Variants in FSIP2 observed in about 807,000 individuals in gnomAD.
FSIP2 encodes the protein fibrous sheath interacting protein 2, also known as fibrous sheath-interacting protein 2.
In FSIP2, 367 loss-of-function variants were observed where a neutral mutation model predicts 510.5. The ratio of observed to expected loss-of-function variants is 0.72; its 90% CI spans 0.66 to 0.78. The LOEUF (loss-of-function observed/expected upper bound fraction) is 0.78. FSIP2 is among the 30% of genes least tolerant of loss of function. The pLI, the probability that FSIP2 is intolerant of heterozygous loss-of-function variation, is 0.00. For synonymous variants in FSIP2, 2,601 were observed against 2,732.2 expected, an observed-to-expected ratio of 0.95 and a Z score of 1.50; for missense variants, 7,594 against 7,901.7, an observed-to-expected ratio of 0.96 and a Z score of 1.48.
chr2:185,753,511 A>G (rs1309479960), intron 7 of FSIP2, among the ~76,000 whole-genome samples: 1 of 151,440 alleles, frequency 6.6e-6, no homozygotes, highest in Non-Finnish European at 1.5e-5. Flanking sequence ...GATGGTATGT[A>G]GAGAGGTAAA....
intron 5 of FSIP2, among the ~76,000 whole-genome samples, 159 bp from the exon 6 acceptor site, chr2:185,746,510 T>C (rs1692037186): frequency 1.3e-5 from 2 of 152,092 alleles, no homozygotes; most frequent in South Asian, 4.1e-4. Context: ...TAGGCTGTTT[T>C]AAAGGTTTAT....
Position 185,797,353 on chromosome 2 carries a change from A to G in FSIP2, c.10217A>G (p.Asp3406Gly). 1.3e-6 allele frequency: 2 copies of G among 1,528,532 alleles called. No individual in the cohort carries two copies. Among genetic ancestry groups the G allele is most frequent in the Non-Finnish European group, 1.7e-6 (2 of 1,144,720 alleles). 94.7% of individuals were successfully genotyped at this position (1,528,532 alleles called of 1,614,324 possible). Residue 3406 changes from aspartate to glycine, a missense_variant, in exon 16 of 23, where the codon GAT becomes GGT. Transcript: ENST00000424728. ...ENENLEASREDSSFLQKLKKK... is the reference protein window; with the variant it reads ...ENENLEASREGSSFLQKLKKK... The stretch of plus-strand genomic sequence containing the variant: ...GAAAACCTTGAAGCCAGCCGGGAAG[A>G]TTCTTCTTTTTTGCAAAAATTGAAA...
Position 185,804,840 on chromosome 2 carries a change from T to C in FSIP2, c.15534T>C (p.Asn5178=), listed in dbSNP as rs746621954. 75 of 1,531,124 alleles carry C rather than the reference T, an allele frequency of 4.9e-5. No individual in the cohort carries two copies. Among genetic ancestry groups the C allele is most frequent in the Admixed American group, 2.4e-4 (12 of 50,312 alleles). The allele number at this position is 1,531,124 out of a possible 1,614,324, so 94.8% of individuals were successfully genotyped here. Residue 5178 remains asparagine (N), a synonymous_variant, in exon 17 of 23, where the codon AAT becomes AAC. Transcript: ENST00000424728. ...TTCGACTTTCCATGGCAGAGGATAA[T>C]GCAGAAAGTATGCAGTTAGAACCTA... The part of the protein sequence containing the change: ...HEIRLSMAED[N]AESMQLEPIE...
intron 9 of FSIP2, among the ~76,000 whole-genome samples, 153 bp from the exon 10 acceptor site, chr2:185,760,835 T>C (rs1409626637): frequency 2.0e-5 from 3 of 150,640 alleles, no homozygotes; most frequent in African/African-American, 7.3e-5. Context: ...ATAGACATGT[T>C]ATCTTGAATG....
At chr2:185,765,692 T>C (rs1325881893) in intron 13 of FSIP2, 1 of 151,932 alleles carries the variant, frequency 6.6e-6, no homozygotes, top group Non-Finnish European at 1.5e-5. Flanking sequence ...AAGTCATCGG[T>C]AGCTTGATGG....
chr2:185,761,980 G>A lies in FSIP2; in HGVS notation c.1203G>A (p.Gly401=). The change falls in exon 11 of 23, where the codon GGG becomes GGA. Residue 401 remains glycine (G), a synonymous_variant. Coordinates refer to ENST00000424728, the MANE Select transcript of FSIP2 (RefSeq NM_173651.4). ...AATGTGGTACCATGTAGAGAGATGG[G>A]ATGGTATCTAAAAACTCAAGTATTT... ...QDNGINQKRD[G]MVSKNSSIFD... 1 of 1,480,292 alleles carries A rather than the reference G, an allele frequency of 6.8e-7. No individual in the cohort carries two copies. The allele number at this position is 1,480,292 out of a possible 1,614,324, so 91.7% of individuals were successfully genotyped here. A position where few individuals can be genotyped will look rare whatever the true frequency, so the allele number is the denominator to read the frequency against.
At chr2:185,777,543 T>C (rs1692753258) in intron 13 of FSIP2, among the ~76,000 whole-genome samples, 1 of 152,192 alleles carries the variant, frequency 6.6e-6, no homozygotes, top group South Asian at 2.1e-4. Context: ...CTGTGATCTT[T>C]TGGTAGATAA....
intron 7 of FSIP2, among the ~76,000 whole-genome samples, chr2:185,751,861 T>TG (rs2105542055): frequency 6.6e-6 from 1 of 151,344 alleles, no homozygotes; most frequent in Non-Finnish European, 1.5e-5. Context: ...ATGCTTTATT[T>TG]TTTTCCCTTT....
chr2:185,804,379 G>A lies in FSIP2; in HGVS notation c.15073G>A (p.Val5025Ile). The A allele has an allele frequency of 6.7e-7, 1 of 1,501,282 alleles. No homozygotes were observed. Among genetic ancestry groups the A allele is most frequent in the Non-Finnish European group, 8.8e-7 (1 of 1,131,158 alleles). 93.0% of individuals were successfully genotyped at this position (1,501,282 alleles called of 1,614,324 possible). A position where few individuals can be genotyped will look rare whatever the true frequency, so the allele number is the denominator to read the frequency against. The stretch of plus-strand genomic sequence containing the variant: ...ATACAAAGAAATGGTTCAAAAAATA[G>A]TCAACTCAGTATATGGAAAAGTATT... ...ERYKEMVQKI[V>I]NSVYGKVLDQ... The change falls in exon 17 of 23, where the codon GTC becomes ATC. Residue 5025 changes from valine to isoleucine, a missense_variant. By Grantham distance (29) the Val-to-Ile change is conservative (BLOSUM62 3). Coordinates refer to ENST00000424728, the MANE Select transcript of FSIP2 (RefSeq NM_173651.4).
chr2:185,825,635 T>A (rs144943948), intron 20 of FSIP2, among the ~76,000 whole-genome samples: 36 of 151,970 alleles, frequency 2.4e-4, no homozygotes, highest in Non-Finnish European at 3.5e-4. Flanking sequence ...AGTGTTTTAA[T>A]ATGCTTTATC....
In FSIP2 at chr2:185,800,032, G is replaced by A; in HGVS notation, c.10726G>A (p.Ala3576Thr). The A allele has an allele frequency of 6.6e-7, 1 of 1,525,578 alleles. No individual in the cohort carries two copies. The highest frequency in any genetic ancestry group is 8.8e-7 in the Non-Finnish European group (1 of 1,139,346). 94.5% of individuals were successfully genotyped at this position (1,525,578 alleles called of 1,614,324 possible). A position where few individuals can be genotyped will look rare whatever the true frequency, so the allele number is the denominator to read the frequency against. The change falls in exon 17 of 23, where the codon GCT becomes ACT. Residue 3576 changes from alanine to threonine, a missense_variant. Ala to Thr is a moderately conservative substitution (Grantham distance 58). Transcript: ENST00000424728. ...TCTTTTTAATAATAAAATTATACAG[G>A]CTGACATTGCACAGAAAATGGTTGC... ...KILFNNKIIQADIAQKMVAIP... is the reference protein window; with the variant it reads ...KILFNNKIIQTDIAQKMVAIP...
chr2:185,738,054 A>G (rs1008984471), upstream of FSIP2: 1 of 156,040 alleles, frequency 6.4e-6, no homozygotes, highest in African/African-American at 2.4e-5. Flanking sequence ...GAAATAAAAG[A>G]GAACAGCAGT....
Position 185,796,617 on chromosome 2 carries a change from G to C in FSIP2, c.9481G>C (p.Ala3161Pro). ...NAYTVNQVEL[A>P]TNMKMFTSKL... ...CTACACTGTTAATCAGGTTGAATTA[G>C]CAACTAATATGAAAATGTTCACATC... Residue 3161 changes from alanine (A) to proline (P), a missense_variant, in exon 16 of 23, where the codon GCA becomes CCA. Physicochemically the swap from Ala to Pro is conservative, Grantham distance 27. Coordinates refer to ENST00000424728, the MANE Select transcript of FSIP2 (RefSeq NM_173651.4). 6.5e-7 allele frequency: 1 copy of C among 1,535,030 alleles called. No homozygotes were observed. Among genetic ancestry groups the C allele is most frequent in the East Asian group, 2.4e-5 (1 of 40,856 alleles).
Position 185,793,295 on chromosome 2 carries a change from C to T in FSIP2, c.6159C>T (p.Gly2053=). ...TGTTAGACATTATATCACGTAAAGG[C>T]AAATGTGACAAAAACAGTTCTGACA... ...NALLDIISRK[G]KCDKNSSDKE... Residue 2053 remains glycine, a synonymous_variant, in exon 16 of 23, where the codon GGC becomes GGT. Transcript: ENST00000424728. 1.3e-6 allele frequency: 2 copies of T among 1,534,048 alleles called. No homozygotes were observed. The highest frequency in any genetic ancestry group is 1.7e-6 in the Non-Finnish European group (2 of 1,145,524).
At chr2:185,749,736 T>C (rs569267169) in intron 7 of FSIP2, among the ~76,000 whole-genome samples, 78 of 151,986 alleles carry the variant, frequency 5.1e-4, no homozygotes, top group African/African-American at 1.8e-3. Context: ...CTCTCTTTGC[T>C]AGTGATCTCA....
chr2:185,789,237 A>G lies in FSIP2; in HGVS notation c.2101A>G (p.Lys701Glu). Reference sequence around the variant, plus strand: ...TTTTGTTAACTTTAAATGTTACTTGAAAGGGGAAACTGAAGTGATTTTAGA... The same window carrying G: ...TTTTGTTAACTTTAAATGTTACTTGGAAGGGGAAACTGAAGTGATTTTAGA... Reference protein sequence around the residue: ...NVFVNFKCYLKGETEVILESI... With the variant: ...NVFVNFKCYLEGETEVILESI... The change falls in exon 16 of 23, where the codon AAA becomes GAA. Residue 701 changes from lysine to glutamate, a missense_variant. Lys to Glu is a moderately conservative substitution (Grantham distance 56). Transcript: ENST00000424728. 1 of 1,534,534 alleles carries G rather than the reference A, an allele frequency of 6.5e-7. No homozygotes were observed. The highest frequency in any genetic ancestry group is 1.2e-5 in the South Asian group (1 of 83,998).
Position 185,794,385 on chromosome 2 carries a change from T to C in FSIP2, c.7249T>C (p.Ser2417Pro). Residue 2417 changes from serine (S) to proline (P), a missense_variant, in exon 16 of 23, where the codon TCT becomes CCT. Ser to Pro is a moderately conservative substitution (Grantham distance 74). Transcript: ENST00000424728. ...AATTTGTTTTAATTCAAAAGAAAAT[T>C]CTAACTTTTCACAATTAGCTTTATC... Reference protein sequence around the residue: ...KEICFNSKENSNFSQLALSNE... With the variant: ...KEICFNSKENPNFSQLALSNE... 6.6e-7 allele frequency: 1 copy of C among 1,519,124 alleles called. No individual in the cohort carries two copies. Among genetic ancestry groups the C allele is most frequent in the Non-Finnish European group, 8.8e-7 (1 of 1,140,124 alleles). 94.1% of individuals were successfully genotyped at this position (1,519,124 alleles called of 1,614,324 possible).
At chr2:185,740,666 G>A (rs1342746163) in intron 2 of FSIP2, among the ~76,000 whole-genome samples, 1 of 152,160 alleles carries the variant, frequency 6.6e-6, no homozygotes, top group African/African-American at 2.4e-5. Context: ...GGAGCTGGAA[G>A]TCCAAGATCA....
chr2:185,780,442 A>G (rs980175571), intron 13 of FSIP2, among the ~76,000 whole-genome samples: 2 of 151,574 alleles, frequency 1.3e-5, no homozygotes, highest in African/African-American at 4.8e-5. Flanking sequence ...TTATTATTTC[A>G]TAAATTAATT....
Sources: allele counts gnomAD v4.1 joint callset (sites outside exome capture counted in the v4.1 genomes callset), GRCh38; gene constraint gnomAD v4.1.1; transcripts MANE v1.5; gene names NCBI Gene and HGNC (gene_info 2026-07-23, HGNC 2026-07-21).